The following HNRNPLL variants were observed in gnomAD, a reference collection of about 807,000 sequenced individuals.
HNRNPLL encodes heterogeneous nuclear ribonucleoprotein L-like.
A neutral mutation model predicts 67.1 loss-of-function variants in HNRNPLL; 25 were observed. The ratio of observed to expected loss-of-function variants is 0.37; its 90% CI spans 0.27 to 0.52. HNRNPLL has a LOEUF of 0.52. Ranked by LOEUF, HNRNPLL falls within the 20% of genes least tolerant of loss-of-function variation. The probability of loss-of-function intolerance (pLI) is 0.90; values close to 1 mark genes in which losing one functional copy is unlikely to be tolerated. For missense variants in HNRNPLL, 542 were observed against 673.9 expected (o/e 0.80, Z 2.17); for synonymous variants, 267 against 241.7 (o/e 1.10, Z -0.97).
Position 38,596,356 on chromosome 2 carries a change from T to TTAAGCAGTTCTCCTGCCTC in HNRNPLL, c.190-4709_190-4708insGAGGCAGGAGAACTGCTTA, listed in dbSNP as rs1314313656. On this transcript the variant is annotated intron_variant, in intron 1 of 12. Transcript: ENST00000449105. ...CTCACTGCAAACCTGTCTCCTGGGT[T>TTAAGCAGTTCTCCTGCCTC]CAAGCAGTTCTCCTGCCTCAGCCTC... Among the ~76,000 whole-genome samples the TTAAGCAGTTCTCCTGCCTC allele has an allele frequency of 1.3e-3, 203 of 152,094 alleles. 1 individual carries two copies. Among genetic ancestry groups the TTAAGCAGTTCTCCTGCCTC allele is most frequent in the African/African-American group, 4.8e-3 (199 of 41,458 alleles).
intron 4 of HNRNPLL, 60 bp from the exon 5 acceptor site, chr2:38,582,228 C>T: frequency 9.4e-7 from 1 of 1,064,178 alleles, no homozygotes; most frequent in African/African-American, 1.6e-5. Flanking sequence ...TATTCACTCC[C>T]AAAGGACAGG....
intron 12 of HNRNPLL, 21 bp from the exon 13 acceptor site, chr2:38,564,258 T>TTAA (rs1665762790): frequency 7.2e-7 from 1 of 1,385,920 alleles, no homozygotes. Context: ...TAAAAAACAG[T>TTAA]TAATATTTCA....
Position 38,591,630 on chromosome 2 carries a change from G to A in HNRNPLL, c.208C>T (p.His70Tyr), listed in dbSNP as rs745750618. 29 of 1,611,422 alleles carry A rather than the reference G, an allele frequency of 1.8e-5. No homozygotes were observed. Among genetic ancestry groups the A allele is most frequent in the Admixed American group, 6.7e-5 (4 of 60,010 alleles). ...FSQPEAGGSH[H>Y]KVSVSPVVHV... Reference sequence around the variant, plus strand: ...ACGACGGGTGAAACAGAAACTTTATGATGACTTCCACCTGCCTCCTAGCAA... The same window carrying A: ...ACGACGGGTGAAACAGAAACTTTATAATGACTTCCACCTGCCTCCTAGCAA... The change falls in exon 2 of 13, where the codon CAT (histidine) becomes TAT (tyrosine). Residue 70 changes from histidine (H) to tyrosine (Y), a missense_variant. Physicochemically the swap from His to Tyr is moderately conservative, Grantham distance 83. Coordinates refer to ENST00000449105, the MANE Select transcript of HNRNPLL (RefSeq NM_138394.4).
intron 8 of HNRNPLL, 62 bp from the exon 9 acceptor site, chr2:38,569,987 T>A: frequency 8.6e-7 from 1 of 1,159,446 alleles, no homozygotes; most frequent in Non-Finnish European, 1.2e-6. Flanking sequence ...AAAGAAATTT[T>A]AAAACACAAT....
intron 1 of HNRNPLL, among the ~76,000 whole-genome samples, chr2:38,592,318 CA>C (rs1401251062): frequency 6.6e-6 from 1 of 152,120 alleles, no homozygotes; most frequent in African/African-American, 2.4e-5. Context: ...TACAAATGAA[CA>C]AAAAGTTCCA....
At chr2:38,574,005 G>A (rs1387778336) in intron 7 of HNRNPLL, among the ~76,000 whole-genome samples, 1 of 151,892 alleles carries the variant, frequency 6.6e-6, no homozygotes, top group Non-Finnish European at 1.5e-5. Context: ...ACACACAGGT[G>A]TCTTATTACT....
intron 7 of HNRNPLL, among the ~76,000 whole-genome samples, chr2:38,575,782 G>T (rs1018914726): frequency 2.0e-5 from 3 of 151,742 alleles, no homozygotes; most frequent in Non-Finnish European, 4.4e-5. Context: ...GGATACATTT[G>T]TGATTTGCAA....
At chr2:38,591,509 T>C (rs923025377) in intron 2 of HNRNPLL, 21 bp downstream of exon 2, 1 of 1,190,036 alleles carries the variant, frequency 8.4e-7, no homozygotes, top group Non-Finnish European at 1.3e-6. Context: ...TCAATCTACA[T>C]GAAGTCCCTA....
intron 1 of HNRNPLL, chr2:38,601,844 T>C (rs1443509479): frequency 6.6e-6 from 1 of 152,242 alleles, no homozygotes; most frequent in African/African-American, 2.4e-5. Flanking sequence ...ATCCACAAAA[T>C]TGGGTAGAGC....
chr2:38,591,001 T>C (rs1395551744), intron 2 of HNRNPLL, among the ~76,000 whole-genome samples: 1 of 152,050 alleles, frequency 6.6e-6, no homozygotes, highest in Non-Finnish European at 1.5e-5. Flanking sequence ...AGAGACCCTG[T>C]CTCAAAAAAT....
intron 3 of HNRNPLL, among the ~76,000 whole-genome samples, chr2:38,584,130 C>G (rs140837921): frequency 6.6e-6 from 1 of 152,266 alleles, no homozygotes; most frequent in African/African-American, 2.4e-5. Context: ...GGCACGATCA[C>G]AGTTCCCTAC....
intron 1 of HNRNPLL, among the ~76,000 whole-genome samples, chr2:38,598,876 T>G (rs1179868925): frequency 6.6e-6 from 1 of 152,238 alleles, no homozygotes; most frequent in Non-Finnish European, 1.5e-5. Context: ...ACAGCTTCGC[T>G]GGAGGAGACA....
chr2:38,601,345 A>G lies in HNRNPLL; in HGVS notation c.189+1093T>C, dbSNP rs144177195. ...ATTCAAACGGCTATAAAGGGCTTCT[A>G]ATGTGCGTCTTATTTTTAAAAGGTA... On this transcript the variant is annotated intron_variant, in intron 1 of 12. Transcript: ENST00000449105. 2.8e-3 allele frequency among the ~76,000 whole-genome samples: 433 copies of G among 152,334 alleles called. 1 individual carries two copies. Among genetic ancestry groups the G allele is most frequent in the African/African-American group, 1.0e-2 (415 of 41,572 alleles).
chr2:38,569,844 G>T lies in HNRNPLL; in HGVS notation c.1174C>A (p.Leu392Ile). The change falls in exon 9 of 13, where the codon CTT becomes ATT. Residue 392 changes from leucine to isoleucine, a missense_variant. Physicochemically the swap from Leu to Ile is conservative, Grantham distance 5 (BLOSUM62 2). This residue lies in a region of HNRNPLL where 415 missense variants were observed against 575.2 expected (regional missense o/e 0.72). Coordinates refer to ENST00000449105, the MANE Select transcript of HNRNPLL (RefSeq NM_138394.4). ...EYAVERAVTHLNNVKLFGKRL... is the reference protein window; with the variant it reads ...EYAVERAVTHINNVKLFGKRL... ...TTCCCAAATAATTTGACATTATTAA[G>T]GTGTGTGACAGCTCTTTCTACAGCA... 6.7e-7 allele frequency: 1 copy of T among 1,500,680 alleles called. No homozygotes were observed. The highest frequency in any genetic ancestry group is 9.3e-7 in the Non-Finnish European group (1 of 1,080,416). 93.0% of individuals were successfully genotyped at this position (1,500,680 alleles called of 1,614,324 possible).
Position 38,569,855 on chromosome 2 carries a change from G to A in HNRNPLL, c.1163C>T (p.Ala388Val). ...EMGDEYAVER[A>V]VTHLNNVKLF... is the part of the protein sequence containing the mutation. ...TTTGACATTATTAAGGTGTGTGACA[G>A]CTCTTTCTACAGCATACTCATCACC... is the stretch of plus-strand genomic sequence containing the variant. Residue 388 changes from alanine to valine, a missense_variant, in exon 9 of 13, where the codon GCT becomes GTT. Ala to Val is a moderately conservative substitution (Grantham distance 64). Coordinates refer to ENST00000449105, the MANE Select transcript of HNRNPLL (RefSeq NM_138394.4). The A allele has an allele frequency of 6.5e-7, 1 of 1,538,710 alleles. No homozygotes were observed. The highest frequency in any genetic ancestry group is 1.1e-5 in the South Asian group (1 of 88,816).
rs1206248816 is a variant in HNRNPLL at position 38,563,991 on chromosome 2, T to C, written c.*191A>G. ...AGATAGTCTACATTATGATATTCTA[T>C]CTTAAAATGAAAACAATTCAATATT... On this transcript the variant is annotated 3_prime_UTR_variant, in exon 13 of 13. Coordinates refer to ENST00000449105, the MANE Select transcript of HNRNPLL (RefSeq NM_138394.4). The C allele has an allele frequency of 5.5e-6, 3 of 545,904 alleles. No homozygotes were observed. The highest frequency in any genetic ancestry group is 3.1e-5 in the East Asian group (1 of 32,174). 33.8% of individuals were successfully genotyped at this position (545,904 alleles called of 1,614,324 possible). A position where few individuals can be genotyped will look rare whatever the true frequency, so the allele number is the denominator to read the frequency against.
At chr2:38,596,282 A>C (rs1022182810) in intron 1 of HNRNPLL, among the ~76,000 whole-genome samples, 2 of 151,850 alleles carry the variant, frequency 1.3e-5, no homozygotes, top group African/African-American at 4.8e-5. Flanking sequence ...CTCTTTTTTG[A>C]GACAGAGTCT....
intron 3 of HNRNPLL, among the ~76,000 whole-genome samples, chr2:38,585,163 C>T (rs1399170909): frequency 1.3e-5 from 2 of 152,086 alleles, no homozygotes; most frequent in African/African-American, 2.4e-5. Flanking sequence ...CTTTTTAAAA[C>T]TTCTACCAAT....
intron 2 of HNRNPLL, among the ~76,000 whole-genome samples, chr2:38,589,350 A>G (rs1187217196): frequency 6.6e-6 from 1 of 152,176 alleles, no homozygotes; most frequent in Admixed American, 6.6e-5. Flanking sequence ...AATCCCACAC[A>G]TTCCATTAAA....
Sources: gnomAD v4.1 joint callset for allele counts (sites outside exome capture counted in the v4.1 genomes callset) on GRCh38, gnomAD v4.1.1 for gene constraint, gnomAD v4.1.1 regional missense constraint, MANE v1.5 for transcripts, NCBI Gene and HGNC (gene_info 2026-07-23, HGNC 2026-07-21) for gene names.